Variants in CLDN14 observed in about 807,000 individuals in gnomAD.
The protein encoded by CLDN14 is claudin 14.
A neutral mutation model predicts 2.1 loss-of-function variants in CLDN14; 2 were observed. The observed-to-expected ratio is 0.96, with a 90% CI of 0.39 to 3.01. The LOEUF (loss-of-function observed/expected upper bound fraction) is 3.01. CLDN14 is among the 30% of genes most tolerant of loss of function. The pLI is 0.09. For synonymous variants in CLDN14, 136 were observed against 154.4 expected, an observed-to-expected ratio of 0.88 and a Z score of 0.88; for missense variants, 298 against 328.0, an observed-to-expected ratio of 0.91 and a Z score of 0.71.
At chr21:36,475,506 C>T (rs564599367) in intron 1 of CLDN14, among the ~76,000 whole-genome samples, 3 of 152,284 alleles carry the variant, frequency 2.0e-5, no homozygotes, top group South Asian at 4.1e-4. Context: ...GAGCTCCTCT[C>T]CCCCACCCGG....
At chr21:36,556,842 G>A (rs1035145593) in intron 1 of CLDN14, among the ~76,000 whole-genome samples, 6 of 152,178 alleles carry the variant, frequency 3.9e-5, no homozygotes, top group African/African-American at 7.2e-5. Context: ...TTGTATGAGC[G>A]TGCAGTACAG....
chr21:36,528,187 T>C lies in CLDN14; in HGVS notation c.-219-17687A>G, dbSNP rs541827296. On this transcript the variant is annotated intron_variant, in intron 1 of 2. Coordinates refer to the CLDN14 transcript ENST00000342108. ...TGAATTACTGTTAAAGATAAGTAAG[T>C]AAAAATGAAAATATTATTAATAAGG... Among the ~76,000 whole-genome samples the C allele has an allele frequency of 9.8e-5, 15 of 152,326 alleles. No homozygotes were observed. The South Asian group carries it at 3.1e-3, about 32-fold the overall frequency.
At chr21:36,564,830 T>A (rs1401243928) in intron 1 of CLDN14, among the ~76,000 whole-genome samples, 4 of 152,026 alleles carry the variant, frequency 2.6e-5, no homozygotes. Flanking sequence ...TCAGAGCCAG[T>A]GTGATGTGAG....
intron 2 of CLDN14, among the ~76,000 whole-genome samples, chr21:36,507,258 C>T (rs187393396): frequency 7.5e-4 from 114 of 152,268 alleles, no homozygotes; most frequent in African/African-American, 2.7e-3. Flanking sequence ...ACACACAACT[C>T]CCAGTGTTCT....
At chr21:36,550,305 G>A (rs1422572318) in intron 1 of CLDN14, among the ~76,000 whole-genome samples, 4 of 152,144 alleles carry the variant, frequency 2.6e-5, no homozygotes, top group Non-Finnish European at 5.9e-5. Context: ...CAGACATGCA[G>A]CGGGTCTTGG....
intron 1 of CLDN14, among the ~76,000 whole-genome samples, chr21:36,470,360 G>A (rs1000807178): frequency 2.0e-5 from 3 of 152,166 alleles, no homozygotes; most frequent in East Asian, 1.9e-4. Flanking sequence ...ATATGAAGAC[G>A]GAGATAGAAA....
chr21:36,515,789 C>CTCTTTTTT (rs777338181), intron 1 of CLDN14, among the ~76,000 whole-genome samples: 81,127 of 114,208 alleles, frequency 0.71, 32,495 homozygotes, highest in Non-Finnish European at 0.87. Context: ...TTTATCTTCT[C>CTCTTTTTT]TTTTTTTTTT....
At chr21:36,467,703 T>C (rs1357941540) in intron 1 of CLDN14, among the ~76,000 whole-genome samples, 1 of 152,126 alleles carries the variant, frequency 6.6e-6, no homozygotes, top group Non-Finnish European at 1.5e-5. Flanking sequence ...GGTGGGGTGT[T>C]TGAGTCCCTT....
rs989106254 is a variant in CLDN14, at chr21:36,498,949, G to A, written c.-82+11414C>T. Among the ~76,000 whole-genome samples, 6 of 152,238 alleles carry A rather than the reference G, an allele frequency of 3.9e-5. No individual in the cohort carries two copies. The highest frequency in any genetic ancestry group is 3.9e-4 in the East Asian group (2 of 5,172). On this transcript the variant is annotated intron_variant, in intron 2 of 2. Transcript: ENST00000342108. This position sits in a 1 kb window ranked among gnomAD's most constrained non-coding sequence, Gnocchi z 4.9. ...CAGCAAGGGTACTTTTTGTAATTCAGCCACCCAGATGGGAGTGTCCTCTTG... is the reference window on the plus strand; with the variant it reads ...CAGCAAGGGTACTTTTTGTAATTCAACCACCCAGATGGGAGTGTCCTCTTG...
chr21:36,485,875 C>A (rs1239442884), intron 2 of CLDN14: 4 of 554,006 alleles, frequency 7.2e-6, no homozygotes, highest in Non-Finnish European at 1.2e-5. Context: ...TTTATGTTGC[C>A]AAGCTTTATT....
intron 1 of CLDN14, among the ~76,000 whole-genome samples, chr21:36,522,360 C>T (rs774244378): frequency 2.0e-4 from 30 of 152,198 alleles, no homozygotes; most frequent in Non-Finnish European, 3.4e-4. Flanking sequence ...CCTGACTTGG[C>T]GCAAATGTTC....
chr21:36,486,646 C>CT, intron 2 of CLDN14: 1 of 1,511,024 alleles, frequency 6.6e-7, no homozygotes, highest in Non-Finnish European at 9.2e-7. Flanking sequence ...AGGCTGTCAG[C>CT]TTTTCTCTGT....
chr21:36,506,786 C>G (rs1568863025), intron 2 of CLDN14, among the ~76,000 whole-genome samples: 1 of 151,888 alleles, frequency 6.6e-6, no homozygotes, highest in East Asian at 1.9e-4. Context: ...AAAATTGTAT[C>G]AATTTAATAG....
intron 1 of CLDN14, among the ~76,000 whole-genome samples, chr21:36,575,584 G>T (rs551561320): frequency 2.0e-5 from 3 of 152,302 alleles, no homozygotes; most frequent in Admixed American, 2.0e-4. Flanking sequence ...ACAAGCAAGT[G>T]CCACTGCTGT....
rs2087063800 is a variant in CLDN14 at position 36,498,748 on chromosome 21, C to T, written c.-82+11615G>A. On this transcript the variant is annotated intron_variant, in intron 2 of 2. Coordinates refer to the CLDN14 transcript ENST00000342108. This position sits in a 1 kb window ranked among gnomAD's most constrained non-coding sequence, Gnocchi z 4.9. ...AGCTGGCCTTCAGCTCCAATACAGA[C>T]ACGGGAAAACCAGTCTCAGTTCAGG... Among the ~76,000 whole-genome samples, 1 of 152,182 alleles carries T rather than the reference C, an allele frequency of 6.6e-6. No individual in the cohort carries two copies.
At chr21:36,532,537 G>A (rs894385701) in intron 1 of CLDN14, 1 of 151,940 alleles carries the variant, frequency 6.6e-6, no homozygotes, top group African/African-American at 2.4e-5. Context: ...CATGGCACAT[G>A]TATAGATACG....
At chr21:36,532,469 A>T (rs2087389177) in intron 1 of CLDN14, 1 of 151,834 alleles carries the variant, frequency 6.6e-6, no homozygotes, top group Admixed American at 6.6e-5. Context: ...GTGGGGAGGG[A>T]TAGCATTAGG....
At chr21:36,563,634 T>C (rs2087652989) in intron 1 of CLDN14, among the ~76,000 whole-genome samples, 1 of 152,184 alleles carries the variant, frequency 6.6e-6, no homozygotes, top group African/African-American at 2.4e-5. Context: ...ATTTTTCCCC[T>C]TGTTGATTTT....
chr21:36,502,382 G>A (rs1356892379), intron 2 of CLDN14, among the ~76,000 whole-genome samples: 1 of 152,144 alleles, frequency 6.6e-6, no homozygotes, highest in Non-Finnish European at 1.5e-5. Flanking sequence ...ACCAGCTAGG[G>A]GGTCAAGAGC....
Sources: gnomAD v4.1 joint callset for allele counts (sites outside exome capture counted in the v4.1 genomes callset) on GRCh38, gnomAD v4.1.1 for gene constraint, Gnocchi (gnomAD v3.1) non-coding constraint, MANE v1.5 for transcripts, NCBI Gene and HGNC (gene_info 2026-07-23, HGNC 2026-07-21) for gene names.